The following SPTSSB variants were observed in gnomAD, a reference collection of about 807,000 sequenced individuals.
SPTSSB encodes serine palmitoyltransferase small subunit B.
Under a neutral mutation model 7.7 loss-of-function variants are expected in SPTSSB, and 6 were observed. The ratio of observed to expected loss-of-function variants is 0.78; its 90% confidence interval spans 0.43 to 1.54. The LOEUF (loss-of-function observed/expected upper bound fraction) is 1.54. Among genes scored for constraint, SPTSSB ranks in the 40% most tolerant of loss-of-function variants. The probability of loss-of-function intolerance (pLI) is 0.01; values close to 1 mark genes in which losing one functional copy is unlikely to be tolerated. For missense variants in SPTSSB, 91 were observed against 93.0 expected (o/e 0.98, Z 0.09); for synonymous variants, 28 against 29.7 (o/e 0.94, Z 0.19).
At chr3:161,361,984 T>A (rs1715034101) in intron 1 of SPTSSB, among the ~76,000 whole-genome samples, 1 of 152,120 alleles carries the variant, frequency 6.6e-6, no homozygotes, top group Non-Finnish European at 1.5e-5. Context: ...TTCCTGCCCA[T>A]CAAAACCAGA....
At chr3:161,368,718 G>A (rs1409409993) in intron 1 of SPTSSB, among the ~76,000 whole-genome samples, 1 of 152,140 alleles carries the variant, frequency 6.6e-6, no homozygotes, top group Admixed American at 6.5e-5. Flanking sequence ...GAGCCACCGC[G>A]CCCGGCCCCT....
intron 2 of SPTSSB, among the ~76,000 whole-genome samples, chr3:161,346,742 A>T (rs931004976): frequency 6.6e-6 from 1 of 152,204 alleles, no homozygotes; most frequent in Non-Finnish European, 1.5e-5. Flanking sequence ...GACTTTTGAG[A>T]TAAGGTCCAA....
intron 1 of SPTSSB, among the ~76,000 whole-genome samples, chr3:161,363,514 CT>C (rs1715097247): frequency 6.6e-6 from 1 of 151,918 alleles, no homozygotes; most frequent in Non-Finnish European, 1.5e-5. Flanking sequence ...GTTTTAACTA[CT>C]GTTGAAACCA....
chr3:161,366,541 ATG>A (rs1715226913), intron 1 of SPTSSB, among the ~76,000 whole-genome samples: 1 of 152,102 alleles, frequency 6.6e-6, no homozygotes. Context: ...CCAGGTTTGT[ATG>A]TGATTTTACA....
intron 2 of SPTSSB, among the ~76,000 whole-genome samples, chr3:161,356,887 T>A (rs539324849): frequency 6.6e-6 from 1 of 151,608 alleles, no homozygotes; most frequent in Non-Finnish European, 1.5e-5. Context: ...GGGGCTGAGG[T>A]GGGAGGATCG....
At chr3:161,355,799 C>T (rs1266714587) in intron 2 of SPTSSB, among the ~76,000 whole-genome samples, 1 of 152,122 alleles carries the variant, frequency 6.6e-6, no homozygotes, top group Non-Finnish European at 1.5e-5. Flanking sequence ...CTTAACTGTA[C>T]TCTTAAAAAT....
intron 2 of SPTSSB, among the ~76,000 whole-genome samples, chr3:161,355,683 A>T (rs1714741178): frequency 6.6e-6 from 1 of 152,208 alleles, no homozygotes; most frequent in Non-Finnish European, 1.5e-5. Flanking sequence ...GACTGGGGAG[A>T]CGCAGAAATA....
chr3:161,352,868 C>G (rs1201276155), intron 2 of SPTSSB, among the ~76,000 whole-genome samples: 1 of 152,110 alleles, frequency 6.6e-6, no homozygotes, highest in Non-Finnish European at 1.5e-5. Context: ...AGTTCATGGA[C>G]TCTGCAGGGG....
chr3:161,347,783 G>T (rs1714325316), intron 2 of SPTSSB, among the ~76,000 whole-genome samples: 1 of 152,018 alleles, frequency 6.6e-6, no homozygotes, highest in African/African-American at 2.4e-5. Context: ...TGAGGCAGGA[G>T]AATCACTTGA....
intron 2 of SPTSSB, among the ~76,000 whole-genome samples, chr3:161,358,633 A>C (rs965971174): frequency 7.2e-5 from 11 of 152,128 alleles, no homozygotes; most frequent in Admixed American, 6.5e-4. Flanking sequence ...GAATGGGATC[A>C]TTTTTAAGGT....
At chr3:161,346,751 A>ATGGG (rs1465627851) in intron 2 of SPTSSB, among the ~76,000 whole-genome samples, 5 of 152,206 alleles carry the variant, frequency 3.3e-5, no homozygotes, top group Non-Finnish European at 5.9e-5. Flanking sequence ...GATAAGGTCC[A>ATGGG]AGGGATCATT....
chr3:161,359,962 A>G (rs960420300), intron 1 of SPTSSB, 68 bp from the exon 2 acceptor site: 2 of 191,384 alleles, frequency 1.0e-5, no homozygotes, highest in African/African-American at 2.4e-5. Context: ...ATTCTGTCCC[A>G]TGTAAATGGT....
intron 1 of SPTSSB, among the ~76,000 whole-genome samples, chr3:161,370,382 A>G (rs1191393116): frequency 6.6e-6 from 1 of 152,224 alleles, no homozygotes; most frequent in African/African-American, 2.4e-5. Context: ...AGTACATTTC[A>G]TACTACAGCT....
intron 1 of SPTSSB, 36 bp downstream of exon 1, chr3:161,371,399 T>G: frequency 5.1e-6 from 5 of 984,608 alleles, no homozygotes; most frequent in African/African-American, 1.7e-5. Context: ...CTAAAGCTAC[T>G]TAACAGTTCA....
chr3:161,347,469 C>T (rs929382200), intron 2 of SPTSSB, among the ~76,000 whole-genome samples: 1 of 149,214 alleles, frequency 6.7e-6, no homozygotes. Context: ...ACCATGTTGG[C>T]CAGGCTGGTC....
In SPTSSB at chr3:161,346,820, C is replaced by T. The variant is rs115482185; in HGVS notation, c.-32-465G>A. Reference sequence around the variant, plus strand: ...GGGAGAACAGCCAAGACAGAGGGAACAATATGTACAAAGGTTGGAGGTGGG... The same window carrying T: ...GGGAGAACAGCCAAGACAGAGGGAATAATATGTACAAAGGTTGGAGGTGGG... On this transcript the variant is annotated intron_variant, in intron 2 of 2. Coordinates refer to ENST00000620149, the MANE Select transcript of SPTSSB (RefSeq NM_001040100.2). 3.9e-3 allele frequency among the ~76,000 whole-genome samples: 594 copies of T among 152,102 alleles called. 5 individuals are homozygous for T. The highest frequency in any genetic ancestry group is 0.014 in the African/African-American group (576 of 41,478).
Position 161,352,426 on chromosome 3 carries a change from AC to A in SPTSSB, c.-32-6072del, listed in dbSNP as rs543517064. On this transcript the variant is annotated intron_variant, in intron 2 of 2. Transcript: ENST00000620149. ...TTCTTCTATGAAACATTCTCAGAAG[AC>A]CCCTCCCCTGCAAAGGAAAATATTA... Among the ~76,000 whole-genome samples, 115 of 151,942 alleles carry A rather than the reference AC, an allele frequency of 7.6e-4. 1 individual carries two copies. Among genetic ancestry groups the A allele is most frequent in the Non-Finnish European group, 1.0e-3 (68 of 67,954 alleles).
At chr3:161,363,440 A>T (rs1715093235) in intron 1 of SPTSSB, among the ~76,000 whole-genome samples, 1 of 151,990 alleles carries the variant, frequency 6.6e-6, no homozygotes, top group South Asian at 2.1e-4. Context: ...TTTAAGAGAA[A>T]TATTGTTGCT....
chr3:161,365,021 A>C (rs1371366044), intron 1 of SPTSSB, among the ~76,000 whole-genome samples: 2 of 152,184 alleles, frequency 1.3e-5, no homozygotes, highest in East Asian at 3.8e-4. Flanking sequence ...ACAACCTTTG[A>C]TCTTATAATG....
Sources: gnomAD v4.1 joint callset for allele counts (sites outside exome capture counted in the v4.1 genomes callset) on GRCh38, gnomAD v4.1.1 for gene constraint, MANE v1.5 for transcripts, NCBI Gene and HGNC (gene_info 2026-07-23, HGNC 2026-07-21) for gene names.